The following PSMD9 variants were observed in gnomAD, a reference collection of about 807,000 sequenced individuals.
The protein encoded by PSMD9 is proteasome 26S subunit, non-ATPase 9.
A neutral mutation model predicts 25.9 loss-of-function variants in PSMD9; 26 were observed. The ratio of observed to expected loss-of-function variants is 1.00; its 90% CI spans 0.73 to 1.39. The LOEUF (loss-of-function observed/expected upper bound fraction) is 1.39, where lower values mean the gene tolerates loss of function less well. PSMD9 is among the 40% of genes most tolerant of loss of function. The pLI is 0.00. For synonymous variants in PSMD9, 110 were observed against 114.5 expected (o/e 0.96, Z 0.25); for missense variants, 303 against 299.3 (o/e 1.01, Z -0.09).
chr12:121,916,420 T>G lies in PSMD9; in HGVS notation c.*109T>G. On this transcript the variant is annotated 3_prime_UTR_variant, in exon 6 of 6. Transcript: ENST00000541212. ...TGAAGCATAAGGATCTGGAAGAGGC[T>G]TGTAACCTGAACTTCTGTGTGGTGG... 1 of 1,384,464 alleles carries G rather than the reference T, an allele frequency of 7.2e-7. No individual in the cohort carries two copies. Among genetic ancestry groups the G allele is most frequent in the Non-Finnish European group, 1.0e-6 (1 of 973,900 alleles). The allele number at this position is 1,384,464 out of a possible 1,614,324, so 85.8% of individuals were successfully genotyped here. A position where few individuals can be genotyped will look rare whatever the true frequency, so the allele number is the denominator to read the frequency against.
intron 4 of PSMD9, among the ~76,000 whole-genome samples, chr12:121,907,714 G>C (rs1879601138): frequency 6.6e-6 from 1 of 152,164 alleles, no homozygotes; most frequent in Admixed American, 6.6e-5. Flanking sequence ...ACTTTAAAAT[G>C]GTGAATTTTA....
chr12:121,918,112 G>A lies in PSMD9; in HGVS notation c.*1801G>A, dbSNP rs1034982419. 6.6e-6 allele frequency: 1 copy of A among 152,200 alleles called. No individual in the cohort carries two copies. The highest frequency in any genetic ancestry group is 2.4e-5 in the African/African-American group (1 of 41,446). The allele number at this position is 152,200 out of a possible 1,614,324, so 9.4% of individuals were successfully genotyped here. A position where few individuals can be genotyped will look rare whatever the true frequency, so the allele number is the denominator to read the frequency against. ...ACGTGGAATGATCCTAATAGATATAGCCAGACCGGTTTTGCGGAAACGCTT... is the reference window on the plus strand; with the variant it reads ...ACGTGGAATGATCCTAATAGATATAACCAGACCGGTTTTGCGGAAACGCTT... On this transcript the variant is annotated 3_prime_UTR_variant, in exon 6 of 6. Coordinates refer to ENST00000541212, the MANE Select transcript of PSMD9 (RefSeq NM_002813.7). The surrounding 1 kb of genome is among the most constrained non-coding windows in gnomAD (Gnocchi z 4.3).
chr12:121,910,912 A>G (rs1017072229), intron 4 of PSMD9: 1 of 455,988 alleles, frequency 2.2e-6, no homozygotes, highest in Non-Finnish European at 4.4e-6. Flanking sequence ...TCTCCATTAA[A>G]CACTAACTCT....
At chr12:121,903,181 A>G in intron 4 of PSMD9, 74 bp downstream of exon 4, 1 of 1,309,050 alleles carries the variant, frequency 7.6e-7, no homozygotes. Flanking sequence ...GTGGCTTACA[A>G]ACAACAGAAG....
At position 121,888,975 on chromosome 12, in the gene PSMD9, A is replaced by G; in HGVS notation, c.119A>G (p.Asn40Ser). ...KEEIEAQIKANYDVLESQKGI... is the reference protein window; with the variant it reads ...KEEIEAQIKASYDVLESQKGI... ...GAGATAGAAGCGCAGATCAAGGCCA[A>G]CTATGACGTGCTGGAAAGCGTGAGT... The change falls in exon 1 of 6, where the codon AAC becomes AGC. Residue 40 changes from asparagine to serine, a missense_variant. Physicochemically the swap from Asn to Ser is conservative, Grantham distance 46 (BLOSUM62 1). Transcript: ENST00000541212. 1.3e-6 allele frequency: 2 copies of G among 1,588,792 alleles called. No homozygotes were observed. Among genetic ancestry groups the G allele is most frequent in the Non-Finnish European group, 1.7e-6 (2 of 1,168,112 alleles).
rs1592953057 is a variant in PSMD9 at position 121,916,031 on chromosome 12, A to G, written c.644+87A>G. 2.9e-6 allele frequency: 4 copies of G among 1,400,758 alleles called. No homozygotes were observed. The East Asian group carries it at 6.9e-5, about 24-fold the overall frequency. 86.8% of individuals were successfully genotyped at this position (1,400,758 alleles called of 1,614,324 possible). A position where few individuals can be genotyped will look rare whatever the true frequency, so the allele number is the denominator to read the frequency against. ...AGCTGGAGGGGAAGGCTGGGGAGAC[A>G]TTGGGGAATAATGGGAATCCCCAGT... On this transcript the variant is annotated intron_variant, in intron 5 of 5. Coordinates refer to ENST00000541212, the MANE Select transcript of PSMD9 (RefSeq NM_002813.7).
Position 121,916,846 on chromosome 12 carries a change from G to C in PSMD9, c.*535G>C, listed in dbSNP as rs1879920332. 1 of 154,364 alleles carries C rather than the reference G, an allele frequency of 6.5e-6. No individual in the cohort carries two copies. The allele number at this position is 154,364 out of a possible 1,614,324, so 9.6% of individuals were successfully genotyped here. On this transcript the variant is annotated 3_prime_UTR_variant, in exon 6 of 6. Transcript: ENST00000541212. Reference sequence around the variant, plus strand: ...ACTGTGCTTCCTCAGCAGCTGGGCTGTCAGGGCCATAGTAGCTCCCTTTGG... The same window carrying C: ...ACTGTGCTTCCTCAGCAGCTGGGCTCTCAGGGCCATAGTAGCTCCCTTTGG...
intron 2 of PSMD9, among the ~76,000 whole-genome samples, chr12:121,896,955 C>A (rs1433432335): frequency 1.3e-5 from 2 of 151,584 alleles, no homozygotes; most frequent in Non-Finnish European, 1.5e-5. Flanking sequence ...GTGTATATAT[C>A]TACACATACA....
At chr12:121,903,758 T>C (rs1402460418) in intron 4 of PSMD9, among the ~76,000 whole-genome samples, 175 of 150,912 alleles carry the variant, frequency 1.2e-3, no homozygotes, top group African/African-American at 3.8e-3. Flanking sequence ...TTTTCTTTTT[T>C]TTTTTTTTTT....
chr12:121,902,576 T>C, intron 3 of PSMD9: 1 of 187,488 alleles, frequency 5.3e-6, no homozygotes, highest in Non-Finnish European at 1.1e-5. Flanking sequence ...GCCCTGTGCC[T>C]GTGGCTGCTT....
intron 1 of PSMD9, among the ~76,000 whole-genome samples, chr12:121,893,646 G>C (rs537951114): frequency 1.4e-3 from 213 of 152,280 alleles, no homozygotes; most frequent in African/African-American, 4.7e-3. Context: ...GCCTACAGCT[G>C]TGTCACTTGA....
At chr12:121,916,107 C>A in intron 5 of PSMD9, 163 bp downstream of exon 5, 1 of 1,157,070 alleles carries the variant, frequency 8.6e-7, no homozygotes. Context: ...GACTACAGCT[C>A]TAGAAGCAGA....
In PSMD9 at chr12:121,899,780, C is replaced by G; in HGVS notation, c.388C>G (p.Gln130Glu). The change falls in exon 3 of 6, where the codon CAG becomes GAG. Residue 130 changes from glutamine (Q) to glutamate (E), a missense_variant. Coordinates refer to ENST00000541212, the MANE Select transcript of PSMD9 (RefSeq NM_002813.7). Reference sequence around the variant, plus strand: ...CCGCAAACTGGGTCAGAGTGAGAGCCAGGGCCCTCCACGGGCCTTCGCCAA... The same window carrying G: ...CCGCAAACTGGGTCAGAGTGAGAGCGAGGGCCCTCCACGGGCCTTCGCCAA... ...MSRKLGQSESQGPPRAFAKVN... is the reference protein window; with the variant it reads ...MSRKLGQSESEGPPRAFAKVN... The G allele has an allele frequency of 6.2e-7, 1 of 1,614,108 alleles. No individual in the cohort carries two copies. The highest frequency in any genetic ancestry group is 8.5e-7 in the Non-Finnish European group (1 of 1,179,964).
At chr12:121,913,322 G>A (rs560596230) in intron 4 of PSMD9, among the ~76,000 whole-genome samples, 4 of 151,582 alleles carry the variant, frequency 2.6e-5, no homozygotes, top group East Asian at 1.9e-4. Flanking sequence ...CTCATGATCC[G>A]CCTGCCTTGG....
At chr12:121,889,103 G>A in intron 1 of PSMD9, 109 bp downstream of exon 1, 1 of 1,413,170 alleles carries the variant, frequency 7.1e-7, no homozygotes, top group Non-Finnish European at 9.5e-7. Context: ...GGATCTCCCT[G>A]GGAGGCCCAA....
At chr12:121,895,727 A>T (rs1000319931) in intron 2 of PSMD9, among the ~76,000 whole-genome samples, 1 of 152,036 alleles carries the variant, frequency 6.6e-6, no homozygotes, top group African/African-American at 2.4e-5. Flanking sequence ...ACCTATAAAG[A>T]CCTCTGTGAT....
At chr12:121,890,197 G>A (rs897006884) in intron 1 of PSMD9, among the ~76,000 whole-genome samples, 4 of 152,246 alleles carry the variant, frequency 2.6e-5, no homozygotes, top group East Asian at 3.9e-4. Flanking sequence ...GATTACAGGC[G>A]TGAGCCACCG....
At position 121,894,749 on chromosome 12, in the gene PSMD9, T is replaced by C. The variant is rs374003798; in HGVS notation, c.149T>C (p.Ile50Thr). 1.7e-5 allele frequency: 28 copies of C among 1,613,860 alleles called. No homozygotes were observed. The Admixed American group carries it at 3.0e-4, about 17-fold the overall frequency. Residue 50 changes from isoleucine to threonine, a missense_variant, in exon 2 of 6, where the codon ATT becomes ACT. Coordinates refer to ENST00000541212, the MANE Select transcript of PSMD9 (RefSeq NM_002813.7). Reference sequence around the variant, plus strand: ...GTTTCTTTCCTCCAGCAAAAAGGCATTGGGATGAACGAGCCGCTGGTGGAC... The same window carrying C: ...GTTTCTTTCCTCCAGCAAAAAGGCACTGGGATGAACGAGCCGCTGGTGGAC... ...NYDVLESQKGIGMNEPLVDCE... is the reference protein window; with the variant it reads ...NYDVLESQKGTGMNEPLVDCE...
chr12:121,914,462 ATTGC>A (rs1199289768), intron 4 of PSMD9: 2 of 152,160 alleles, frequency 1.3e-5, no homozygotes, highest in Non-Finnish European at 2.9e-5. Context: ...AGGCAGGAGA[ATTGC>A]TTGAACCGGG....
Sources: allele counts gnomAD v4.1 joint callset (sites outside exome capture counted in the v4.1 genomes callset), GRCh38; gene constraint gnomAD v4.1.1; non-coding constraint Gnocchi (gnomAD v3.1); transcripts MANE v1.5; gene names NCBI Gene and HGNC (gene_info 2026-07-23, HGNC 2026-07-21).